TCF12: variants seen among roughly 807,000 people sequenced by gnomAD.
TCF12 encodes the protein transcription factor 12, also known as DNA-binding protein HTF4.
Under a neutral mutation model 86.0 loss-of-function variants are expected in TCF12, and 45 were observed. The observed-to-expected ratio is 0.52, with a 90% CI of 0.41 to 0.67. TCF12 has a LOEUF of 0.67. Ranked by LOEUF, TCF12 falls within the 30% of genes least tolerant of loss-of-function variation. The pLI is 0.00. For missense variants in TCF12, 881 were observed against 859.9 expected (o/e 1.02, Z -0.31); for synonymous variants, 330 against 299.6 (o/e 1.10, Z -1.05).
Position 57,263,189 on chromosome 15 carries a change from C to T in TCF12, c.1660C>T (p.His554Tyr), listed in dbSNP as rs2060669590. Reference sequence around the variant, plus strand: ...AAACAAAGAAAAGGATGAAAACCTTCATGAACCTCCTTCATCAGATGACAT... The same window carrying T: ...AAACAAAGAAAAGGATGAAAACCTTTATGAACCTCCTTCATCAGATGACAT... The part of the protein sequence containing the change: ...TENKEKDENL[H>Y]EPPSSDDMKS... The change falls in exon 18 of 21, where the codon CAT becomes TAT. Residue 554 changes from histidine to tyrosine, a missense_variant. His to Tyr is a moderately conservative substitution (Grantham distance 83). Coordinates refer to ENST00000333725, the MANE Select transcript of TCF12 (RefSeq NM_207037.2). 1 of 1,613,424 alleles carries T rather than the reference C, an allele frequency of 6.2e-7. No individual in the cohort carries two copies. The highest frequency in any genetic ancestry group is 8.5e-7 in the Non-Finnish European group (1 of 1,179,762).
At chr15:57,279,989 G>T (rs967405377) in intron 19 of TCF12, among the ~76,000 whole-genome samples, 2 of 145,112 alleles carry the variant, frequency 1.4e-5, no homozygotes, top group Admixed American at 7.1e-5. Flanking sequence ...CGTCTCCCCA[G>T]TTCAAGTGAT....
At chr15:57,229,093 T>C (rs2059015165) in intron 8 of TCF12, among the ~76,000 whole-genome samples, 1 of 152,014 alleles carries the variant, frequency 6.6e-6, no homozygotes, top group South Asian at 2.1e-4. Context: ...TATTCTGTTT[T>C]TTTGTTGTTC....
chr15:56,954,957 C>T (rs773004597), intron 3 of TCF12, among the ~76,000 whole-genome samples: 18 of 152,170 alleles, frequency 1.2e-4, no homozygotes, highest in African/African-American at 3.9e-4. Context: ...TTGGTGGGAC[C>T]GTAAACTAGT....
At chr15:57,141,208 G>A (rs1212439099) in intron 5 of TCF12, among the ~76,000 whole-genome samples, 2 of 152,144 alleles carry the variant, frequency 1.3e-5, no homozygotes, top group Admixed American at 6.5e-5. Flanking sequence ...GTCACTGTCC[G>A]TGAACAAGTT....
At chr15:57,234,242 T>G (rs762294665) in intron 12 of TCF12, 135 bp downstream of exon 12, 32 of 717,798 alleles carry the variant, frequency 4.5e-5, no homozygotes, top group Non-Finnish European at 7.5e-5. Flanking sequence ...AGAGTTATTC[T>G]CGGTTTGTAT....
At position 57,232,753 on chromosome 15, in the gene TCF12, G is replaced by C. The variant is rs138618347; in HGVS notation, c.867G>C (p.Thr289=). ...CAGTTTCACCAACAGACATAAACAC[G>C]AGTCTTCCACCAATGTCCAGCTTTC... The part of the protein sequence containing the change: ...PHSVSPTDIN[T]SLPPMSSFHR... Residue 289 remains threonine, a synonymous_variant, in exon 11 of 21, where the codon ACG becomes ACC. Coordinates refer to ENST00000333725, the MANE Select transcript of TCF12 (RefSeq NM_207037.2). 6.2e-7 allele frequency: 1 copy of C among 1,611,550 alleles called. No homozygotes were observed. Among genetic ancestry groups the C allele is most frequent in the African/African-American group, 1.3e-5 (1 of 74,562 alleles).
rs2061998795 is a variant in TCF12 at position 57,288,345 on chromosome 15, T to C, written c.*2200T>C. On this transcript the variant is annotated 3_prime_UTR_variant, in exon 21 of 21. Coordinates refer to ENST00000333725, the MANE Select transcript of TCF12 (RefSeq NM_207037.2). The stretch of plus-strand genomic sequence containing the variant: ...TTCTCATCTTGTTCTCCAGTTTCCA[T>C]TGTTGGTTTATTGCAGATTTGTATC... 6.6e-6 allele frequency: 1 copy of C among 152,658 alleles called. No homozygotes were observed. The allele number at this position is 152,658 out of a possible 1,614,324, so 9.5% of individuals were successfully genotyped here.
rs754573722 is a variant in TCF12 at position 57,286,797 on chromosome 15, G to T, written c.*652G>T. The T allele has an allele frequency of 1.3e-5, 5 of 379,980 alleles. No individual in the cohort carries two copies. The highest frequency in any genetic ancestry group is 7.2e-5 in the East Asian group (1 of 13,878). The allele number at this position is 379,980 out of a possible 1,614,324, so 23.5% of individuals were successfully genotyped here. ...AGCATTTCTCTTGCTCTCATTTTTT[G>T]ATTTATTTTTATTTTCTCTTTGTGG... On this transcript the variant is annotated 3_prime_UTR_variant, in exon 21 of 21. Transcript: ENST00000333725.
In TCF12 at chr15:57,072,579, A is replaced by G. The variant is rs560197032; in HGVS notation, c.222+8756A>G. 8.7e-5 allele frequency: 86 copies of G among 991,324 alleles called. No homozygotes were observed. In the Middle Eastern group the frequency reaches 1.3e-3, roughly 15 times the overall value. 61.4% of individuals were successfully genotyped at this position (991,324 alleles called of 1,614,324 possible). A position where few individuals can be genotyped will look rare whatever the true frequency, so the allele number is the denominator to read the frequency against. On this transcript the variant is annotated intron_variant, in intron 4 of 20. Coordinates refer to ENST00000333725, the MANE Select transcript of TCF12 (RefSeq NM_207037.2). ...GGAAAAAGGTATACATTTTATAGCTACTAGGAGTTCAAATACAGTAATTAG... is the reference window on the plus strand; with the variant it reads ...GGAAAAAGGTATACATTTTATAGCTGCTAGGAGTTCAAATACAGTAATTAG...
chr15:57,230,900 A>G (rs2059106043), intron 8 of TCF12, among the ~76,000 whole-genome samples: 1 of 151,940 alleles, frequency 6.6e-6, no homozygotes, highest in Non-Finnish European at 1.5e-5. Flanking sequence ...TAACTGTCAT[A>G]CCAAGATGCA....
chr15:56,921,225 G>T (rs2059776913), intron 3 of TCF12, 127 bp downstream of exon 3: 5 of 523,252 alleles, frequency 9.6e-6, no homozygotes, highest in Non-Finnish European at 1.5e-5. Context: ...TGAGTCAAGT[G>T]ATAATTAGTA....
chr15:56,965,140 C>G (rs1270749813), intron 3 of TCF12, among the ~76,000 whole-genome samples: 2 of 152,090 alleles, frequency 1.3e-5, no homozygotes, highest in African/African-American at 4.8e-5. Context: ...TTATGTGAAA[C>G]CTTTCTTGAG....
intron 4 of TCF12, among the ~76,000 whole-genome samples, chr15:57,085,611 T>C (rs564615474): frequency 6.6e-6 from 1 of 152,344 alleles, no homozygotes; most frequent in East Asian, 1.9e-4. Flanking sequence ...CATTCAAGGA[T>C]TTGTTTTAGA....
At chr15:57,014,891 T>TATC (rs1225372230) in intron 3 of TCF12, among the ~76,000 whole-genome samples, 45 of 148,152 alleles carry the variant, frequency 3.0e-4, no homozygotes, top group African/African-American at 1.1e-3. Flanking sequence ...TTATTATTAT[T>TATC]ATTGTTATTA....
At chr15:56,952,021 G>A (rs971865772) in intron 3 of TCF12, among the ~76,000 whole-genome samples, 3 of 152,076 alleles carry the variant, frequency 2.0e-5, no homozygotes, top group Admixed American at 6.5e-5. Context: ...TTGTAATATG[G>A]TGTGACGTAT....
chr15:57,138,924 T>C (rs2052754436), intron 5 of TCF12, among the ~76,000 whole-genome samples: 1 of 152,158 alleles, frequency 6.6e-6, no homozygotes, highest in African/African-American at 2.4e-5. Context: ...TTGAGAAAAA[T>C]TTAAGTAAGT....
chr15:56,953,302 GTTT>G (rs1404430846), intron 3 of TCF12, among the ~76,000 whole-genome samples: 300 of 151,976 alleles, frequency 2.0e-3, no homozygotes, highest in African/African-American at 6.8e-3. Context: ...TTGCTTTGTA[GTTT>G]TTTTCAATGT....
chr15:57,241,813 C>T (rs773691626), intron 12 of TCF12, among the ~76,000 whole-genome samples: 6 of 151,976 alleles, frequency 3.9e-5, no homozygotes, highest in African/African-American at 7.2e-5. Context: ...TCCAACATAG[C>T]GAAATCTTTT....
rs150820661 is a variant in TCF12 at position 57,150,866 on chromosome 15, C to T, written c.326-15536C>T. 2.5e-5 allele frequency among the ~76,000 whole-genome samples: 3 copies of T among 117,912 alleles called. 1 individual carries two copies. The East Asian group carries it at 8.0e-4, about 32-fold the overall frequency. The allele number at this position is 117,912 out of a possible 152,430, so 77.4% of individuals were successfully genotyped here. ...CCCTCCCTCCCTCCCTGTCTCTCCC[C>T]CTCTGTCCCTTCCTTCCTTCCTTCC... On this transcript the variant is annotated intron_variant, in intron 5 of 20. Coordinates refer to ENST00000333725, the MANE Select transcript of TCF12 (RefSeq NM_207037.2).
Sources: allele counts gnomAD v4.1 joint callset (sites outside exome capture counted in the v4.1 genomes callset), GRCh38; gene constraint gnomAD v4.1.1; transcripts MANE v1.5; gene names NCBI Gene and HGNC (gene_info 2026-07-23, HGNC 2026-07-21).